The following MTUS2 variants were observed in gnomAD, a reference collection of about 807,000 sequenced individuals.
MTUS2 encodes microtubule-associated tumor suppressor candidate 2.
A neutral mutation model predicts 114.1 loss-of-function variants in MTUS2; 40 were observed. The ratio of observed to expected loss-of-function variants is 0.35; its 90% CI spans 0.27 to 0.46. The LOEUF (loss-of-function observed/expected upper bound fraction) is 0.46, where lower values mean the gene tolerates loss of function less well. Among genes scored for constraint, MTUS2 ranks in the 20% least tolerant of loss-of-function variants. MTUS2 has a pLI of 1.00. For synonymous variants in MTUS2, 688 were observed against 672.0 expected (o/e 1.02, Z -0.37); for missense variants, 1,679 against 1,705.4 (o/e 0.98, Z 0.27).
intron 6 of MTUS2, among the ~76,000 whole-genome samples, chr13:29,314,043 A>T (rs1899884643): frequency 6.6e-6 from 1 of 151,374 alleles, no homozygotes; most frequent in African/African-American, 2.4e-5. Flanking sequence ...TCAGGAACTT[A>T]AAAAAAAATG....
chr13:29,306,875 TC>T, intron 6 of MTUS2: 1 of 502,734 alleles, frequency 2.0e-6, no homozygotes, highest in South Asian at 1.5e-5. Context: ...ATTGTGGCCA[TC>T]AGTGACCCCT....
At chr13:28,975,260 C>G (rs1884035976) in intron 2 of MTUS2, among the ~76,000 whole-genome samples, 1 of 151,768 alleles carries the variant, frequency 6.6e-6, no homozygotes, top group Non-Finnish European at 1.5e-5. Context: ...TTTTAAGTCT[C>G]TTGATTCTAA....
chr13:29,214,584 G>C (rs956979997), intron 5 of MTUS2, among the ~76,000 whole-genome samples: 6 of 152,136 alleles, frequency 3.9e-5, no homozygotes, highest in Admixed American at 3.9e-4. Context: ...GCATTTGCTT[G>C]TCTGTAAAGG....
chr13:29,097,307 G>A (rs1890218780), intron 4 of MTUS2, among the ~76,000 whole-genome samples: 1 of 152,118 alleles, frequency 6.6e-6, no homozygotes, highest in African/African-American at 2.4e-5. Context: ...TTTAAATGGT[G>A]GTTGTTATTT....
chr13:29,153,663 C>T (rs1169593174), intron 5 of MTUS2, among the ~76,000 whole-genome samples: 1 of 152,158 alleles, frequency 6.6e-6, no homozygotes, highest in Admixed American at 6.5e-5. Flanking sequence ...CTCCAGTTCT[C>T]CCCTTGGCTC....
At chr13:29,273,443 G>A (rs1374500830) in intron 5 of MTUS2, among the ~76,000 whole-genome samples, 2 of 152,182 alleles carry the variant, frequency 1.3e-5, no homozygotes, top group African/African-American at 2.4e-5. Flanking sequence ...CACCAGAAAA[G>A]AACACTAGGA....
intron 8 of MTUS2, among the ~76,000 whole-genome samples, chr13:29,417,091 A>G (rs888032943): frequency 2.0e-5 from 3 of 152,236 alleles, no homozygotes; most frequent in African/African-American, 4.8e-5. Context: ...TTGTGCAAGC[A>G]TGGCACCTGC....
At chr13:29,180,544 C>T (rs1021711208) in intron 5 of MTUS2, among the ~76,000 whole-genome samples, 1 of 152,168 alleles carries the variant, frequency 6.6e-6, no homozygotes, top group Non-Finnish European at 1.5e-5. Context: ...CATTTATGGG[C>T]ATAGGTGGAC....
Position 29,107,507 on chromosome 13 carries a change from G to A in MTUS2, c.2644+6537G>A, listed in dbSNP as rs138246392. Among the ~76,000 whole-genome samples, 163 of 152,190 alleles carry A rather than the reference G, an allele frequency of 1.1e-3. 1 individual carries two copies. The highest frequency in any genetic ancestry group is 3.3e-3 in the Admixed American group (50 of 15,270). ...CATAGTTGATGAAGCTCATAATTATGGCTCTCACATTCTTCTAGGACCTCT... is the reference window on the plus strand; with the variant it reads ...CATAGTTGATGAAGCTCATAATTATAGCTCTCACATTCTTCTAGGACCTCT... On this transcript the variant is annotated intron_variant, in intron 5 of 15. Transcript: ENST00000612955.
chr13:29,364,907 C>G (rs569957522), intron 8 of MTUS2, among the ~76,000 whole-genome samples: 1 of 152,176 alleles, frequency 6.6e-6, no homozygotes, highest in African/African-American at 2.4e-5. Context: ...CTTCTCTTCC[C>G]TTAATTTTAT....
intron 5 of MTUS2, among the ~76,000 whole-genome samples, chr13:29,182,341 C>T (rs148524476): frequency 2.0e-5 from 3 of 152,354 alleles, no homozygotes; most frequent in Non-Finnish European, 4.4e-5. Context: ...CCACTGATGA[C>T]TGGTGCTTGC....
At chr13:28,886,301 A>G (rs1878588662) in intron 2 of MTUS2, among the ~76,000 whole-genome samples, 1 of 152,048 alleles carries the variant, frequency 6.6e-6, no homozygotes, top group African/African-American at 2.4e-5. Flanking sequence ...CTGAGAAGAG[A>G]TGGAAGGGGG....
intron 5 of MTUS2, among the ~76,000 whole-genome samples, chr13:29,258,789 CT>C (rs1566095563): frequency 6.7e-6 from 1 of 150,080 alleles, no homozygotes; most frequent in Non-Finnish European, 1.5e-5. Flanking sequence ...CTGACCCACT[CT>C]TTCCTTTCTG....
intron 5 of MTUS2, among the ~76,000 whole-genome samples, chr13:29,125,697 A>G (rs999082651): frequency 6.6e-6 from 1 of 152,330 alleles, no homozygotes; most frequent in Middle Eastern, 3.4e-3. Flanking sequence ...GAAGTTATAA[A>G]AATCACTCAG....
chr13:29,036,736 G>A (rs1887093826), intron 4 of MTUS2, among the ~76,000 whole-genome samples: 1 of 152,018 alleles, frequency 6.6e-6, no homozygotes, highest in Non-Finnish European at 1.5e-5. Context: ...TCTTCTTGTT[G>A]CATTGATCCC....
chr13:29,331,513 A>G (rs1350624191), intron 7 of MTUS2, among the ~76,000 whole-genome samples: 1 of 152,180 alleles, frequency 6.6e-6, no homozygotes, highest in African/African-American at 2.4e-5. Context: ...AGACAATCCT[A>G]AGCAAAAAGA....
chr13:29,505,459 G>T lies in MTUS2; in HGVS notation c.*2253G>T, dbSNP rs34312176. On this transcript the variant is annotated 3_prime_UTR_variant, in exon 16 of 16. Coordinates refer to ENST00000612955, the MANE Select transcript of MTUS2 (RefSeq NM_001033602.4). ...CCACGTGGCCCTGGCTTCGTGGTTT[G>T]TTTGTTTTTTTTCTTTTGTTACGGA... The T allele has an allele frequency of 0.12, 7,911 of 67,620 alleles. 6 individuals are homozygous for T. The highest frequency in any genetic ancestry group is 0.27 in the Middle Eastern group (60 of 220). The allele number at this position is 67,620 out of a possible 1,614,324, so 4.2% of individuals were successfully genotyped here.
intron 3 of MTUS2, among the ~76,000 whole-genome samples, chr13:29,032,163 A>G (rs139041945): frequency 1.3e-5 from 2 of 152,270 alleles, no homozygotes; most frequent in East Asian, 1.9e-4. Context: ...TTAAAAATGC[A>G]CAGACTAGAC....
At chr13:28,861,255 T>G (rs1220254566) in intron 2 of MTUS2, among the ~76,000 whole-genome samples, 1 of 152,198 alleles carries the variant, frequency 6.6e-6, no homozygotes, top group Non-Finnish European at 1.5e-5. Context: ...ATTGTCCATT[T>G]AACAATGATT....
Sources: allele counts gnomAD v4.1 joint callset (sites outside exome capture counted in the v4.1 genomes callset), GRCh38; gene constraint gnomAD v4.1.1; transcripts MANE v1.5; gene names NCBI Gene and HGNC (gene_info 2026-07-23, HGNC 2026-07-21).